Variants in ATP2B2 observed in about 807,000 individuals in gnomAD.
ATP2B2 encodes ATPase plasma membrane Ca2+ transporting 2.
In ATP2B2, 15 loss-of-function variants were observed where a neutral mutation model predicts 120.0. That is an observed-to-expected ratio of 0.12 (90% CI 0.08 to 0.19). The LOEUF (loss-of-function observed/expected upper bound fraction) is 0.19. Among genes scored for constraint, ATP2B2 ranks in the 10% least tolerant of loss-of-function variants. The pLI, the probability that ATP2B2 is intolerant of heterozygous loss-of-function variation, is 1.00. For missense variants in ATP2B2, 1,045 were observed against 1,719.8 expected, an observed-to-expected ratio of 0.61 and a Z score of 6.94; for synonymous variants, 694 against 700.3, an observed-to-expected ratio of 0.99 and a Z score of 0.14.
At chr3:10,400,019 C>T (rs2062166051) in intron 5 of ATP2B2, among the ~76,000 whole-genome samples, 1 of 152,172 alleles carries the variant, frequency 6.6e-6, no homozygotes, top group South Asian at 2.1e-4. Flanking sequence ...TGGAGATAGT[C>T]CCAGCACTTG....
chr3:10,391,861 C>G (rs886841832), intron 5 of ATP2B2, among the ~76,000 whole-genome samples: 1 of 152,180 alleles, frequency 6.6e-6, no homozygotes, highest in African/African-American at 2.4e-5. Context: ...CCTTCTTGGC[C>G]CTGGACACTG....
intron 12 of ATP2B2, 138 bp downstream of exon 12, chr3:10,371,671 T>A (rs1000978919): frequency 6.7e-5 from 87 of 1,294,884 alleles, no homozygotes; most frequent in Non-Finnish European, 8.8e-5. Flanking sequence ...AACAGAAACA[T>A]GTTGCTTACT....
chr3:10,357,339 C>T (rs2060765715), intron 14 of ATP2B2, among the ~76,000 whole-genome samples: 1 of 152,124 alleles, frequency 6.6e-6, no homozygotes, highest in Non-Finnish European at 1.5e-5. Flanking sequence ...CGTCACACAG[C>T]CAGCTGTGCC....
chr3:10,607,662 A>G (rs956572588), intron 2 of ATP2B2, among the ~76,000 whole-genome samples: 1 of 152,184 alleles, frequency 6.6e-6, no homozygotes, highest in African/African-American at 2.4e-5. Context: ...TCCACTTTCC[A>G]CACTTGCACT....
chr3:10,689,344 C>G (rs1326629332), intron 1 of ATP2B2, among the ~76,000 whole-genome samples: 5 of 152,122 alleles, frequency 3.3e-5, no homozygotes, highest in African/African-American at 4.8e-5. Flanking sequence ...CCTTAGTTTT[C>G]TCAACTGTGT....
At chr3:10,349,765 A>T (rs1188800750) in intron 16 of ATP2B2, among the ~76,000 whole-genome samples, 2 of 152,120 alleles carry the variant, frequency 1.3e-5, no homozygotes, top group African/African-American at 4.8e-5. Context: ...GGGTCTGCGT[A>T]GTCTTTCAAA....
intron 1 of ATP2B2, among the ~76,000 whole-genome samples, chr3:10,466,699 G>T (rs2064758278): frequency 6.6e-6 from 1 of 152,188 alleles, no homozygotes; most frequent in African/African-American, 2.4e-5. Flanking sequence ...AGGAAAATCT[G>T]CCATTCAGGT....
chr3:10,674,838 A>C (rs1049043200), intron 1 of ATP2B2, among the ~76,000 whole-genome samples: 4 of 152,224 alleles, frequency 2.6e-5, no homozygotes, highest in Admixed American at 2.6e-4. Flanking sequence ...AGGAAAGTCA[A>C]CAGGGACGCA....
intron 2 of ATP2B2, among the ~76,000 whole-genome samples, chr3:10,596,958 C>T (rs1043826115): frequency 1.1e-4 from 16 of 152,312 alleles, no homozygotes; most frequent in East Asian, 1.9e-4. Flanking sequence ...CAGGCGAGTA[C>T]GCGTGCACAC....
rs1259131371 is a variant in ATP2B2 at position 10,449,549 on chromosome 3, C to T, written c.-6G>A. The T allele has an allele frequency of 6.2e-7, 1 of 1,614,126 alleles. No individual in the cohort carries two copies. On this transcript the variant is annotated 5_prime_UTR_variant, in exon 2 of 23. Coordinates refer to ENST00000360273, the MANE Select transcript of ATP2B2 (RefSeq NM_001001331.4). ...CTGTTGGTCATGTCACCCATGTTTGCTGCGGTCCTTGCTCGGGCTGGGCCC... is the reference window on the plus strand; with the variant it reads ...CTGTTGGTCATGTCACCCATGTTTGTTGCGGTCCTTGCTCGGGCTGGGCCC...
At chr3:10,687,165 T>A (rs1390482549) in intron 1 of ATP2B2, among the ~76,000 whole-genome samples, 1 of 152,220 alleles carries the variant, frequency 6.6e-6, no homozygotes, top group Non-Finnish European at 1.5e-5. Context: ...AGTTTGGGGA[T>A]CACTTCTGCC....
At chr3:10,392,593 T>C (rs1259048330) in intron 5 of ATP2B2, among the ~76,000 whole-genome samples, 25 of 152,244 alleles carry the variant, frequency 1.6e-4, no homozygotes, top group Admixed American at 1.6e-3. Flanking sequence ...ATGGAGGCCC[T>C]GATAGGGCCT....
upstream of ATP2B2, among the ~76,000 whole-genome samples, chr3:10,510,378 G>A (rs537596249): frequency 1.1e-4 from 16 of 152,362 alleles, no homozygotes; most frequent in South Asian, 4.1e-4. Context: ...ACATTGTAGC[G>A]CAAGGTCACA....
chr3:10,451,566 A>C (rs1474705564), intron 1 of ATP2B2, among the ~76,000 whole-genome samples: 1 of 152,144 alleles, frequency 6.6e-6, no homozygotes, highest in Non-Finnish European at 1.5e-5. Context: ...AGAAACCTTA[A>C]ATGTCTTACA....
At chr3:10,399,361 T>G (rs769474294) in intron 5 of ATP2B2, among the ~76,000 whole-genome samples, 1 of 152,250 alleles carries the variant, frequency 6.6e-6, no homozygotes, top group Non-Finnish European at 1.5e-5. Flanking sequence ...CCTGGAATAC[T>G]TTTTTCTTCT....
intron 2 of ATP2B2, among the ~76,000 whole-genome samples, chr3:10,536,370 T>G (rs1304969968): frequency 6.6e-6 from 1 of 151,946 alleles, no homozygotes; most frequent in African/African-American, 2.4e-5. Flanking sequence ...GTCACAGGAT[T>G]TTTTTGCCTG....
chr3:10,332,409 A>C (rs78041783), intron 22 of ATP2B2: 11,515 of 237,470 alleles, frequency 0.048, 489 homozygotes, highest in Admixed American at 0.14. Flanking sequence ...CTTGCTAAGC[A>C]CAAAGATGGT....
chr3:10,361,559 C>T (rs2060900706), intron 12 of ATP2B2, among the ~76,000 whole-genome samples: 1 of 152,210 alleles, frequency 6.6e-6, no homozygotes, highest in Non-Finnish European at 1.5e-5. Flanking sequence ...AGCTCCTGTC[C>T]TGGAGACTCC....
At chr3:10,435,369 T>C (rs1045150806) in intron 2 of ATP2B2, among the ~76,000 whole-genome samples, 20 of 152,160 alleles carry the variant, frequency 1.3e-4, no homozygotes, top group Non-Finnish European at 2.6e-4. Flanking sequence ...TTCTTCACCC[T>C]GGCCACCTGA....
Sources: allele counts gnomAD v4.1 joint callset (sites outside exome capture counted in the v4.1 genomes callset), GRCh38; gene constraint gnomAD v4.1.1; transcripts MANE v1.5; gene names NCBI Gene and HGNC (gene_info 2026-07-23, HGNC 2026-07-21).